CEP128: variants seen among roughly 807,000 people sequenced by gnomAD.
CEP128 encodes the protein centrosomal protein 128.
Under a neutral mutation model 156.7 loss-of-function variants are expected in CEP128, and 132 were observed. The ratio of observed to expected loss-of-function variants is 0.84; its 90% CI spans 0.73 to 0.97. The LOEUF is 0.97. Ranked by LOEUF, CEP128 falls within the 50% of genes least tolerant of loss-of-function variation. The pLI, the probability that CEP128 is intolerant of heterozygous loss-of-function variation, is 0.00. For synonymous variants in CEP128, 469 were observed against 448.9 expected (o/e 1.04, Z -0.57); for missense variants, 1,252 against 1,281.9 (o/e 0.98, Z 0.36).
At chr14:80,656,279 T>TTATATATATATTTATATATATATATA (rs1195902595) in intron 19 of CEP128, among the ~76,000 whole-genome samples, 1 of 47,126 alleles carries the variant, frequency 2.1e-5, no homozygotes, top group African/African-American at 8.0e-5. Flanking sequence ...AAGTTTTTAT[T>TTATATATATATTTATATATATATATA]TATATATATA....
At chr14:80,914,237 C>T in intron 4 of CEP128, 85 bp downstream of exon 4, 5 of 912,978 alleles carry the variant, frequency 5.5e-6, no homozygotes, top group Admixed American at 3.9e-5. Context: ...ATGGTTTTTT[C>T]CTTTAGCTCA....
chr14:80,940,744 G>A (rs111851253), intron 1 of CEP128, among the ~76,000 whole-genome samples: 43 of 151,456 alleles, frequency 2.8e-4, no homozygotes, highest in African/African-American at 9.9e-4. Flanking sequence ...TCTATATTGC[G>A]CTAAATAAAC....
At chr14:80,711,379 C>T (rs1009925983) in intron 19 of CEP128, among the ~76,000 whole-genome samples, 3 of 150,680 alleles carry the variant, frequency 2.0e-5, no homozygotes, top group Admixed American at 1.3e-4. Flanking sequence ...ATGATACTTA[C>T]ATAGCATGAA....
chr14:80,955,591 G>A lies in CEP128; in HGVS notation c.-172+2587C>T, dbSNP rs865918025. On this transcript the variant is annotated intron_variant, in intron 2 of 7. Coordinates refer to the CEP128 transcript ENST00000555529. ...CCTCTTCCCACCCCTCCCGCTCCCG[G>A]GTCTCCTTTGGCCTGGGGTAACCCG... 3.0e-5 allele frequency: 46 copies of A among 1,521,364 alleles called. 1 individual carries two copies. In the Middle Eastern group the frequency reaches 2.1e-3, roughly 69 times the overall value. The allele number at this position is 1,521,364 out of a possible 1,614,324, so 94.2% of individuals were successfully genotyped here.
At chr14:80,722,860 T>C (rs1442504175) in intron 19 of CEP128, among the ~76,000 whole-genome samples, 3 of 147,208 alleles carry the variant, frequency 2.0e-5, no homozygotes, top group Non-Finnish European at 4.5e-5. Flanking sequence ...GGAGTCTTGC[T>C]CTGTCGCCCA....
At chr14:80,751,557 T>C (rs945521096) in intron 18 of CEP128, among the ~76,000 whole-genome samples, 2 of 151,920 alleles carry the variant, frequency 1.3e-5, no homozygotes. Flanking sequence ...GATTACATAA[T>C]AGGATCATTT....
At chr14:80,822,669 G>T in intron 13 of CEP128, 1 of 769,850 alleles carries the variant, frequency 1.3e-6, no homozygotes, top group South Asian at 1.3e-5. Context: ...GCAAAGAAGG[G>T]AGAGAAAGTA....
intron 19 of CEP128, among the ~76,000 whole-genome samples, chr14:80,641,764 C>A (rs10146558): frequency 0.028 from 4,293 of 151,928 alleles, 206 homozygotes; most frequent in African/African-American, 0.098. Flanking sequence ...TTAAAATAGC[C>A]GTACCAGAAC....
At chr14:80,652,465 C>T (rs1894949361) in intron 19 of CEP128, among the ~76,000 whole-genome samples, 1 of 151,996 alleles carries the variant, frequency 6.6e-6, no homozygotes, top group Non-Finnish European at 1.5e-5. Flanking sequence ...GGCTAATACC[C>T]AGAATCTACA....
At chr14:80,859,812 A>T (rs1424654304) in intron 9 of CEP128, among the ~76,000 whole-genome samples, 1 of 152,132 alleles carries the variant, frequency 6.6e-6, no homozygotes, top group Non-Finnish European at 1.5e-5. Flanking sequence ...AGCTCTGAGG[A>T]CCTAAGGACC....
chr14:80,559,436 A>T, intron 20 of CEP128, 134 bp from the exon 21 acceptor site: 1 of 682,592 alleles, frequency 1.5e-6, no homozygotes, highest in Non-Finnish European at 2.4e-6. Flanking sequence ...AATGAGAACT[A>T]TTCAGAATGA....
chr14:80,724,297 G>T (rs1334966685), intron 19 of CEP128, among the ~76,000 whole-genome samples: 1 of 152,124 alleles, frequency 6.6e-6, no homozygotes, highest in Non-Finnish European at 1.5e-5. Context: ...AACATTTGTG[G>T]TGTGTTATGG....
chr14:80,503,382 T>C (rs1047728470), intron 24 of CEP128, among the ~76,000 whole-genome samples: 4 of 152,222 alleles, frequency 2.6e-5, no homozygotes, highest in African/African-American at 7.2e-5. Flanking sequence ...AATGCTAGTG[T>C]TGAAACCTAA....
chr14:80,923,532 G>T (rs1475982533), intron 2 of CEP128, among the ~76,000 whole-genome samples: 1 of 152,138 alleles, frequency 6.6e-6, no homozygotes, highest in African/African-American at 2.4e-5. Flanking sequence ...TTCCATAAAA[G>T]ATAAGCACCC....
chr14:80,657,772 G>C (rs1895237353), intron 19 of CEP128, among the ~76,000 whole-genome samples: 2 of 152,198 alleles, frequency 1.3e-5, no homozygotes, highest in Admixed American at 1.3e-4. Flanking sequence ...AAGCTTTATA[G>C]AAGGAAGAGA....
intron 23 of CEP128, among the ~76,000 whole-genome samples, chr14:80,526,352 T>C (rs574654395): frequency 2.0e-5 from 3 of 152,246 alleles, no homozygotes; most frequent in East Asian, 1.9e-4. Flanking sequence ...CTAGAGAATG[T>C]ATGCTTTTTG....
chr14:80,526,814 T>C (rs1888990256), intron 23 of CEP128, 55 bp downstream of exon 23: 3 of 942,436 alleles, frequency 3.2e-6, no homozygotes, highest in Non-Finnish European at 3.4e-6. Flanking sequence ...TAAGAGGTTG[T>C]AGCCTTAAAC....
At chr14:80,684,212 G>A (rs1410285793) in intron 19 of CEP128, among the ~76,000 whole-genome samples, 1 of 151,722 alleles carries the variant, frequency 6.6e-6, no homozygotes, top group African/African-American at 2.4e-5. Flanking sequence ...TTAACAAAGG[G>A]GAAAAAAATA....
intron 19 of CEP128, among the ~76,000 whole-genome samples, chr14:80,656,278 TTTATATATATATTTA>T (rs1895139562): frequency 2.2e-4 from 5 of 22,780 alleles, no homozygotes; most frequent in African/African-American, 3.9e-4. Flanking sequence ...TAAGTTTTTA[TTTATATATATATTTA>T]TATATATATA....
Sources: allele counts gnomAD v4.1 joint callset (sites outside exome capture counted in the v4.1 genomes callset), GRCh38; gene constraint gnomAD v4.1.1; transcripts MANE v1.5; gene names NCBI Gene and HGNC (gene_info 2026-07-23, HGNC 2026-07-21).